MIGA2: variants seen among roughly 807,000 people sequenced by gnomAD.
MIGA2 encodes family with sequence similarity 73, member B.
A neutral mutation model predicts 69.9 loss-of-function variants in MIGA2; 36 were observed. The ratio of observed to expected loss-of-function variants is 0.52; its 90% confidence interval spans 0.39 to 0.68. MIGA2 has a LOEUF of 0.68. MIGA2 is among the 30% of genes least tolerant of loss of function. MIGA2 has a pLI of 0.00. For missense variants in MIGA2, 660 were observed against 787.7 expected (o/e 0.84, Z 1.94); for synonymous variants, 333 against 349.2 (o/e 0.95, Z 0.52).
At chr9:129,043,843 G>A (rs1474115305) in intron 3 of MIGA2, among the ~76,000 whole-genome samples, 5 of 152,066 alleles carry the variant, frequency 3.3e-5, no homozygotes, top group East Asian at 1.9e-4. Context: ...TGGGACAACA[G>A]GTGCGTGCCA....
chr9:129,059,135 G>T lies in MIGA2; in HGVS notation c.676-19G>T. On this transcript the variant is annotated intron_variant, in intron 6 of 15. Transcript: ENST00000684074. This position sits in a 1 kb window ranked among gnomAD's most constrained non-coding sequence, Gnocchi z 5.6. ...GGAGCTTTGAGGGTCTGGGTTGAGG[G>T]TCCTTGTTTTTATGGCAGCCAGAGT... 6.2e-7 allele frequency: 1 copy of T among 1,610,698 alleles called. No homozygotes were observed. Among genetic ancestry groups the T allele is most frequent in the Non-Finnish European group, 8.5e-7 (1 of 1,177,034 alleles).
chr9:129,036,917 G>A lies in MIGA2; in HGVS notation c.-144+236G>A, dbSNP rs999845238. The A allele has an allele frequency of 3.0e-6, 3 of 1,001,470 alleles. No homozygotes were observed. The South Asian group carries it at 1.4e-4, about 47-fold the overall frequency. 62.0% of individuals were successfully genotyped at this position (1,001,470 alleles called of 1,614,324 possible). ...ATGCCCGGGCCTGGAACGTGGCGGG[G>A]ATTGGAGCAGGCGCGCAGGTACCCG... On this transcript the variant is annotated intron_variant, in intron 1 of 15. Transcript: ENST00000684074.
rs10988185 is a variant in MIGA2, at chr9:129,060,863, C to G, written c.894+213C>G. On this transcript the variant is annotated intron_variant, in intron 8 of 15. Coordinates refer to ENST00000684074, the MANE Select transcript of MIGA2 (RefSeq NM_001329990.2). This position sits in a 1 kb window ranked among gnomAD's most constrained non-coding sequence, Gnocchi z 4.8. ...TGTGGGTGAGAGCAGGGGTTCCACC[C>G]CGAAGGGCTCCAGCCCGTGCTGGCC... Among the ~76,000 whole-genome samples, 1 of 152,360 alleles carries G rather than the reference C, an allele frequency of 6.6e-6. No homozygotes were observed. The highest frequency in any genetic ancestry group is 1.9e-4 in the East Asian group (1 of 5,184).
intron 6 of MIGA2, chr9:129,051,184 C>T (rs1451740012): frequency 6.3e-6 from 1 of 159,046 alleles, no homozygotes; most frequent in Non-Finnish European, 1.4e-5. Context: ...GCTACCGCGC[C>T]TGGGCTTTTT....
chr9:129,058,612 G>C lies in MIGA2; in HGVS notation c.676-542G>C, dbSNP rs1029054015. Among the ~76,000 whole-genome samples the C allele has an allele frequency of 4.0e-5, 6 of 148,708 alleles. No homozygotes were observed. In the Admixed American group the frequency reaches 4.1e-4, roughly 10 times the overall value. ...CCTCCCAGGTTCAAGCAATTCTCCT[G>C]CCTCAGCCTCCTGAGTAGCTGGGAC... On this transcript the variant is annotated intron_variant, in intron 6 of 15. Transcript: ENST00000684074.
chr9:129,039,988 A>AC (rs1233896395), intron 1 of MIGA2: 1 of 151,544 alleles, frequency 6.6e-6, no homozygotes, highest in African/African-American at 2.4e-5. Flanking sequence ...CAGGTGATCC[A>AC]CCCATCTCGG....
chr9:129,048,471 G>A lies in MIGA2; in HGVS notation c.352G>A (p.Asp118Asn), dbSNP rs1196731254. The change falls in exon 4 of 16, where the codon GAC becomes AAC. Residue 118 changes from aspartate to asparagine, a missense_variant. Asp to Asn is a conservative substitution (Grantham distance 23, BLOSUM62 1). Transcript: ENST00000684074. ...RVQSPSSKSNDTLSGISSIEP... is the reference protein window; with the variant it reads ...RVQSPSSKSNNTLSGISSIEP... ...CCAGAGCCCCAGCAGCAAGAGCAAC[G>A]ACACCCTGAGTGGCATCTCTTCCAT... 14 of 1,614,056 alleles carry A rather than the reference G, an allele frequency of 8.7e-6. No individual in the cohort carries two copies. Among genetic ancestry groups the A allele is most frequent in the African/African-American group, 4.0e-5 (3 of 75,044 alleles).
intron 9 of MIGA2, among the ~76,000 whole-genome samples, chr9:129,062,392 C>A (rs1181841281): frequency 6.6e-6 from 1 of 151,450 alleles, no homozygotes; most frequent in African/African-American, 2.4e-5. Context: ...ATTAGCTGGG[C>A]ATGGTGGCAC....
intron 3 of MIGA2, 33 bp from the exon 4 acceptor site, chr9:129,048,394 C>A (rs367822591): frequency 6.4e-7 from 1 of 1,565,476 alleles, no homozygotes; most frequent in East Asian, 2.2e-5. Flanking sequence ...ACAGGGGATG[C>A]CTGTGTGACG....
chr9:129,042,616 CCTGT>C, intron 3 of MIGA2, 102 bp downstream of exon 3: 1 of 1,233,414 alleles, frequency 8.1e-7, no homozygotes, highest in South Asian at 1.4e-5. Context: ...CCAGTGTCTT[CCTGT>C]CTCAGAGCCA....
chr9:129,069,989 C>A lies in MIGA2; in HGVS notation c.1575+24C>A. The A allele has an allele frequency of 6.5e-7, 1 of 1,547,204 alleles. No homozygotes were observed. Reference sequence around the variant, plus strand: ...AGGTAAACAGAGAGCAGTTCTCGTTCTTTCCTGACCCTTGCCCTGAGCACA... The same window carrying A: ...AGGTAAACAGAGAGCAGTTCTCGTTATTTCCTGACCCTTGCCCTGAGCACA... On this transcript the variant is annotated intron_variant, in intron 15 of 15. Transcript: ENST00000684074. This position sits in a 1 kb window ranked among gnomAD's most constrained non-coding sequence, Gnocchi z 4.9.
intron 1 of MIGA2, among the ~76,000 whole-genome samples, chr9:129,039,270 G>A (rs1429542933): frequency 6.7e-6 from 1 of 149,912 alleles, no homozygotes; most frequent in Non-Finnish European, 1.5e-5. Flanking sequence ...TTTTGAGATG[G>A]AGTCTCACTC....
intron 3 of MIGA2, among the ~76,000 whole-genome samples, chr9:129,045,393 G>C (rs1393125524): frequency 1.6e-5 from 2 of 122,740 alleles, no homozygotes; most frequent in Non-Finnish European, 3.1e-5. Flanking sequence ...AGTGAGCCGA[G>C]ATCACACCAC....
At chr9:129,063,010 G>C (rs1044466472) in intron 9 of MIGA2, among the ~76,000 whole-genome samples, 1 of 152,206 alleles carries the variant, frequency 6.6e-6, no homozygotes, top group Non-Finnish European at 1.5e-5. Context: ...CTCTGTACCC[G>C]GTGCCTGAGA....
At chr9:129,039,220 T>TGTGTG (rs772090970) in intron 1 of MIGA2, among the ~76,000 whole-genome samples, 1 of 144,986 alleles carries the variant, frequency 6.9e-6, no homozygotes, top group Non-Finnish European at 1.5e-5. Context: ...TGTGTGTGTG[T>TGTGTG]TTTATTTTAT....
chr9:129,061,243 C>T lies in MIGA2; in HGVS notation c.907C>T (p.Leu303=), dbSNP rs758239685. The change falls in exon 9 of 16, where the codon CTG becomes TTG. Residue 303 remains leucine, a synonymous_variant. Coordinates refer to ENST00000684074, the MANE Select transcript of MIGA2 (RefSeq NM_001329990.2). The surrounding 1 kb of genome is among the most constrained non-coding windows in gnomAD (Gnocchi z 5.0). ...FFSATELFES[L]QTGDYPIPLS... Reference sequence around the variant, plus strand: ...CACCCTCTCCCAGCTCTTTGAGTCCCTGCAGACTGGAGATTACCCGATCCC... The same window carrying T: ...CACCCTCTCCCAGCTCTTTGAGTCCTTGCAGACTGGAGATTACCCGATCCC... 1.2e-6 allele frequency: 2 copies of T among 1,611,264 alleles called. No homozygotes were observed. The highest frequency in any genetic ancestry group is 2.7e-5 in the African/African-American group (2 of 74,878).
At chr9:129,041,752 A>C (rs1432849382) in intron 2 of MIGA2, among the ~76,000 whole-genome samples, 6 of 152,194 alleles carry the variant, frequency 3.9e-5, no homozygotes, top group Admixed American at 3.9e-4. Context: ...TGTGGGGTAC[A>C]GTCCCATCTG....
At chr9:129,058,988 G>A (rs17452603) in intron 6 of MIGA2, among the ~76,000 whole-genome samples, 166 bp from the exon 7 acceptor site, 17,611 of 152,304 alleles carry the variant, frequency 0.12, 1,403 homozygotes, top group Non-Finnish European at 0.17. Context: ...GCTGCCAGAA[G>A]TGGCTGGTGG....
chr9:129,045,058 T>C (rs1273906217), intron 3 of MIGA2, among the ~76,000 whole-genome samples: 1 of 140,570 alleles, frequency 7.1e-6, no homozygotes, highest in African/African-American at 2.7e-5. Context: ...ATTAGTCGGG[T>C]GTGGTGGCAG....
Sources: allele counts gnomAD v4.1 joint callset (sites outside exome capture counted in the v4.1 genomes callset), GRCh38; gene constraint gnomAD v4.1.1; non-coding constraint Gnocchi (gnomAD v3.1); transcripts MANE v1.5; gene names NCBI Gene and HGNC (gene_info 2026-07-23, HGNC 2026-07-21).